CACNA2D3: variants seen among roughly 807,000 people sequenced by gnomAD.
CACNA2D3 encodes the protein voltage-dependent calcium channel subunit alpha-2/delta-3.
CACNA2D3 carries 60 observed loss-of-function variants against 160.6 expected under a neutral mutation model. That is an observed-to-expected ratio of 0.37 (90% CI 0.30 to 0.46). The LOEUF (loss-of-function observed/expected upper bound fraction) is 0.46. Ranked by LOEUF, CACNA2D3 falls within the 20% of genes least tolerant of loss-of-function variation. CACNA2D3 has a pLI of 1.00. For synonymous variants in CACNA2D3, 558 were observed against 492.9 expected (o/e 1.13, Z -1.75); for missense variants, 1,205 against 1,365.0 (o/e 0.88, Z 1.85).
chr3:54,536,495 G>C (rs2106652428), intron 5 of CACNA2D3, among the ~76,000 whole-genome samples: 1 of 152,368 alleles, frequency 6.6e-6, no homozygotes, highest in South Asian at 2.1e-4. Flanking sequence ...ATGCTCCTAT[G>C]ATGGGAACTC....
At chr3:54,849,921 C>T (rs1699020155) in intron 17 of CACNA2D3, among the ~76,000 whole-genome samples, 1 of 152,302 alleles carries the variant, frequency 6.6e-6, no homozygotes, top group Middle Eastern at 3.4e-3. Context: ...TAAAATCTTT[C>T]CCCTGAACTT....
chr3:54,953,650 T>C (rs1302930470), intron 27 of CACNA2D3, among the ~76,000 whole-genome samples: 1 of 152,212 alleles, frequency 6.6e-6, no homozygotes, highest in Non-Finnish European at 1.5e-5. Context: ...AAAGGTCCAG[T>C]TCCCCAGGAG....
chr3:54,691,544 A>G (rs1048203755), intron 11 of CACNA2D3, among the ~76,000 whole-genome samples: 1 of 152,206 alleles, frequency 6.6e-6, no homozygotes, highest in African/African-American at 2.4e-5. Flanking sequence ...AGAGGAGGTT[A>G]TCAGAATGCC....
At chr3:54,604,903 G>T (rs1703137803) in intron 9 of CACNA2D3, among the ~76,000 whole-genome samples, 1 of 152,186 alleles carries the variant, frequency 6.6e-6, no homozygotes, top group African/African-American at 2.4e-5. Context: ...GGGCTGCTGT[G>T]ATGAAGTACC....
chr3:54,586,262 C>CAAAAAAAAAAAAAAA (rs34992866), intron 9 of CACNA2D3, among the ~76,000 whole-genome samples: 1 of 101,330 alleles, frequency 9.9e-6, no homozygotes, highest in African/African-American at 3.7e-5. Flanking sequence ...AGATCCATCT[C>CAAAAAAAAAAAAAAA]AAAAAAAAAA....
chr3:54,154,469 G>A lies in CACNA2D3; in HGVS notation c.204+30875G>A, dbSNP rs371222647. ...GGAACCTGTGTTTTTAAAATTGTGG[G>A]CTTTACTAGCACATATGTTAAAACA... is the stretch of plus-strand genomic sequence containing the variant. On this transcript the variant is annotated intron_variant, in intron 2 of 37. Transcript: ENST00000474759. Among the ~76,000 whole-genome samples, 79 of 152,192 alleles carry A rather than the reference G, an allele frequency of 5.2e-4. 1 individual carries two copies. Among genetic ancestry groups the A allele is most frequent in the African/African-American group, 1.8e-3 (76 of 41,530 alleles).
chr3:54,455,839 C>T (rs1016599200), intron 4 of CACNA2D3, among the ~76,000 whole-genome samples: 2 of 152,224 alleles, frequency 1.3e-5, no homozygotes, highest in South Asian at 2.1e-4. Context: ...GCTGTCCTTT[C>T]GCTAGTGAAT....
chr3:54,643,913 A>T (rs2106849528), intron 11 of CACNA2D3, among the ~76,000 whole-genome samples: 1 of 152,272 alleles, frequency 6.6e-6, no homozygotes, highest in Non-Finnish European at 1.5e-5. Context: ...ATCTCAAATG[A>T]TGGTGAAGGA....
At chr3:54,573,524 G>A (rs1702533118) in intron 8 of CACNA2D3, among the ~76,000 whole-genome samples, 1 of 152,220 alleles carries the variant, frequency 6.6e-6, no homozygotes, top group South Asian at 2.1e-4. Context: ...TCAATCAAAT[G>A]TATTTGAATA....
At chr3:54,871,806 G>A (rs1231885330) in intron 18 of CACNA2D3, among the ~76,000 whole-genome samples, 184 bp downstream of exon 18, 3 of 152,152 alleles carry the variant, frequency 2.0e-5, no homozygotes, top group Non-Finnish European at 2.9e-5. Flanking sequence ...CCGGTCAGTC[G>A]GACCAGTTGC....
At chr3:54,502,641 G>A (rs540600505) in intron 4 of CACNA2D3, among the ~76,000 whole-genome samples, 2 of 152,324 alleles carry the variant, frequency 1.3e-5, no homozygotes, top group East Asian at 3.9e-4. Flanking sequence ...TTTAAGGACA[G>A]ACTCAAGATA....
intron 2 of CACNA2D3, among the ~76,000 whole-genome samples, chr3:54,151,996 C>G (rs574095936): frequency 6.6e-6 from 1 of 152,344 alleles, no homozygotes; most frequent in South Asian, 2.1e-4. Flanking sequence ...TTCTATGAAG[C>G]CTTTGCTAAG....
intron 29 of CACNA2D3, among the ~76,000 whole-genome samples, chr3:54,982,965 C>T: frequency 6.6e-6 from 1 of 152,074 alleles, no homozygotes; most frequent in African/African-American, 2.4e-5. Flanking sequence ...TTATGCCGAC[C>T]TACTATCTCA....
intron 2 of CACNA2D3, among the ~76,000 whole-genome samples, chr3:54,223,800 C>T (rs946980851): frequency 2.1e-5 from 3 of 145,922 alleles, no homozygotes; most frequent in East Asian, 2.0e-4. Context: ...TGCAGTGAGC[C>T]GAGATCGCAC....
At chr3:54,225,878 T>C (rs190056199) in intron 2 of CACNA2D3, among the ~76,000 whole-genome samples, 2 of 152,266 alleles carry the variant, frequency 1.3e-5, no homozygotes, top group East Asian at 3.9e-4. Flanking sequence ...GGTCTCTGCA[T>C]TGATATTTCT....
At chr3:54,898,145 T>A (rs1700237241) in intron 26 of CACNA2D3, among the ~76,000 whole-genome samples, 1 of 87,032 alleles carries the variant, frequency 1.1e-5, no homozygotes, top group Non-Finnish European at 2.5e-5. Flanking sequence ...TTCTTTTTTC[T>A]TTCTTTCTTT....
intron 3 of CACNA2D3, among the ~76,000 whole-genome samples, chr3:54,331,775 G>A (rs575881275): frequency 6.6e-6 from 1 of 152,262 alleles, no homozygotes; most frequent in South Asian, 2.1e-4. Flanking sequence ...TAACATTTGA[G>A]GATGTTTAGC....
chr3:54,234,790 T>C (rs1177134484), intron 2 of CACNA2D3, among the ~76,000 whole-genome samples: 1 of 152,108 alleles, frequency 6.6e-6, no homozygotes, highest in Non-Finnish European at 1.5e-5. Context: ...TTCTCACTTA[T>C]AAGTGGGAGC....
intron 9 of CACNA2D3, among the ~76,000 whole-genome samples, chr3:54,586,590 A>T (rs1271680929): frequency 6.6e-6 from 1 of 152,216 alleles, no homozygotes; most frequent in East Asian, 1.9e-4. Flanking sequence ...GGACTTGTAC[A>T]TTCCACAGTC....
Sources: gnomAD v4.1 joint callset for allele counts (sites outside exome capture counted in the v4.1 genomes callset) on GRCh38, gnomAD v4.1.1 for gene constraint, MANE v1.5 for transcripts, NCBI Gene and HGNC (gene_info 2026-07-23, HGNC 2026-07-21) for gene names.